The following SEMA6D variants were observed in gnomAD, a reference collection of about 807,000 sequenced individuals.
SEMA6D encodes semaphorin-6D.
SEMA6D carries 35 observed loss-of-function variants against 106.6 expected under a neutral mutation model. That is an observed-to-expected ratio of 0.33 (90% CI 0.25 to 0.44). The LOEUF is 0.44. Ranked by LOEUF, SEMA6D falls within the 20% of genes least tolerant of loss-of-function variation. The pLI is 1.00. For synonymous variants in SEMA6D, 499 were observed against 487.7 expected (o/e 1.02, Z -0.31); for missense variants, 1,185 against 1,345.9 (o/e 0.88, Z 1.87).
intron 1 of SEMA6D, among the ~76,000 whole-genome samples, chr15:47,388,771 G>C (rs1372350798): frequency 6.7e-6 from 1 of 149,928 alleles, no homozygotes; most frequent in African/African-American, 2.5e-5. Context: ...GAGATAGGAG[G>C]AGGCATAATG....
At chr15:47,564,738 T>C (rs954183357) in intron 3 of SEMA6D, among the ~76,000 whole-genome samples, 2 of 152,150 alleles carry the variant, frequency 1.3e-5, no homozygotes, top group African/African-American at 4.8e-5. Context: ...TGAGAACTTA[T>C]ATCCCTGTTT....
intron 1 of SEMA6D, among the ~76,000 whole-genome samples, chr15:47,240,384 C>T (rs62013990): frequency 6.6e-6 from 1 of 152,118 alleles, no homozygotes; most frequent in Non-Finnish European, 1.5e-5. Flanking sequence ...AATGAAGGAA[C>T]TATAATGGAG....
At chr15:47,694,574 C>G (rs2078660400) in intron 4 of SEMA6D, among the ~76,000 whole-genome samples, 1 of 152,080 alleles carries the variant, frequency 6.6e-6, no homozygotes, top group Non-Finnish European at 1.5e-5. Flanking sequence ...AAACATATGC[C>G]TCCTGCTTGT....
intron 4 of SEMA6D, among the ~76,000 whole-genome samples, chr15:47,688,714 A>G (rs2078522431): frequency 6.6e-6 from 1 of 152,208 alleles, no homozygotes; most frequent in Non-Finnish European, 1.5e-5. Flanking sequence ...TTTTGAGTCT[A>G]CCGTTTCATA....
intron 1 of SEMA6D, among the ~76,000 whole-genome samples, chr15:47,309,156 C>T (rs1457623468): frequency 6.6e-6 from 1 of 152,168 alleles, no homozygotes; most frequent in Non-Finnish European, 1.5e-5. Flanking sequence ...AGTAGTCCCC[C>T]CCATCAGTGG....
intron 1 of SEMA6D, among the ~76,000 whole-genome samples, chr15:47,243,477 G>A (rs1156762253): frequency 2.0e-5 from 3 of 151,862 alleles, no homozygotes; most frequent in Non-Finnish European, 2.9e-5. Flanking sequence ...CCTTTGGGGA[G>A]TATTGATTTT....
chr15:47,515,266 C>G (rs892344007), intron 3 of SEMA6D, among the ~76,000 whole-genome samples: 1 of 152,172 alleles, frequency 6.6e-6, no homozygotes, highest in Non-Finnish European at 1.5e-5. Flanking sequence ...TGTTAACTAC[C>G]TCTTGCTCCA....
chr15:47,417,846 T>C (rs919952694), intron 2 of SEMA6D, among the ~76,000 whole-genome samples: 3 of 152,072 alleles, frequency 2.0e-5, no homozygotes, highest in African/African-American at 7.2e-5. Context: ...TGCAATTCAT[T>C]CATTGAACAA....
intron 1 of SEMA6D, among the ~76,000 whole-genome samples, chr15:47,207,139 G>A (rs1025248965): frequency 6.6e-6 from 1 of 152,114 alleles, no homozygotes; most frequent in Non-Finnish European, 1.5e-5. Context: ...AGGGTCCTAG[G>A]GAGCCAGCCT....
At chr15:47,539,231 C>G (rs1391019326) in intron 3 of SEMA6D, among the ~76,000 whole-genome samples, 1 of 152,174 alleles carries the variant, frequency 6.6e-6, no homozygotes, top group African/African-American at 2.4e-5. Flanking sequence ...ACTGAAATTT[C>G]TACTAACGTG....
Position 47,377,045 on chromosome 15 carries a change from C to T in SEMA6D, c.-238-35348C>T, listed in dbSNP as rs142921372. Among the ~76,000 whole-genome samples the T allele has an allele frequency of 3.2e-3, 489 of 152,206 alleles. 3 individuals are homozygous for T. The highest frequency in any genetic ancestry group is 0.011 in the African/African-American group (455 of 41,530). ...CCTTGACTTCTAAAGAAGCTGTATA[C>T]GATGAGTAATTGCATACCTGAAGAT... On this transcript the variant is annotated intron_variant, in intron 1 of 19. Coordinates refer to the SEMA6D transcript ENST00000558014.
intron 1 of SEMA6D, among the ~76,000 whole-genome samples, chr15:47,297,919 T>G (rs937387080): frequency 6.6e-6 from 1 of 152,050 alleles, no homozygotes; most frequent in South Asian, 2.1e-4. Flanking sequence ...GGACAGAAGG[T>G]AAATCATTGT....
intron 1 of SEMA6D, among the ~76,000 whole-genome samples, chr15:47,727,315 G>C (rs2079820170): frequency 6.6e-6 from 1 of 152,132 alleles, no homozygotes; most frequent in Admixed American, 6.5e-5. Flanking sequence ...GGTCTGTTTC[G>C]CTGCGTCTGG....
At chr15:47,501,801 A>C (rs1224722048) in intron 3 of SEMA6D, among the ~76,000 whole-genome samples, 2 of 152,216 alleles carry the variant, frequency 1.3e-5, no homozygotes, top group African/African-American at 4.8e-5. Flanking sequence ...CATAAACCCC[A>C]AAATAGCCAA....
intron 4 of SEMA6D, among the ~76,000 whole-genome samples, chr15:47,646,765 G>T (rs1026325643): frequency 1.6e-4 from 24 of 152,152 alleles, no homozygotes; most frequent in African/African-American, 5.6e-4. Context: ...CTGGATTTAT[G>T]TATTCACTAG....
chr15:47,263,035 T>G (rs1208416921), intron 1 of SEMA6D, among the ~76,000 whole-genome samples: 1 of 151,994 alleles, frequency 6.6e-6, no homozygotes, highest in East Asian at 1.9e-4. Flanking sequence ...TTACATCATA[T>G]ACAAAAATCA....
intron 3 of SEMA6D, among the ~76,000 whole-genome samples, chr15:47,490,802 C>A (rs1177196100): frequency 2.0e-5 from 3 of 152,156 alleles, no homozygotes; most frequent in Non-Finnish European, 2.9e-5. Flanking sequence ...TGAAAAAACT[C>A]CATAGCCATT....
intron 1 of SEMA6D, among the ~76,000 whole-genome samples, chr15:47,248,076 A>G (rs181676857): frequency 2.7e-4 from 41 of 152,344 alleles, no homozygotes; most frequent in African/African-American, 8.9e-4. Context: ...TTATAAATAC[A>G]TGGTAGTCAG....
intron 4 of SEMA6D, among the ~76,000 whole-genome samples, chr15:47,652,186 CTTCA>C (rs1168559658): frequency 1.3e-5 from 2 of 152,160 alleles, no homozygotes; most frequent in African/African-American, 4.8e-5. Flanking sequence ...CATGTAGAAG[CTTCA>C]TTCAAGTAAT....
Sources: gnomAD v4.1 joint callset for allele counts (sites outside exome capture counted in the v4.1 genomes callset) on GRCh38, gnomAD v4.1.1 for gene constraint, MANE v1.5 for transcripts, NCBI Gene and HGNC (gene_info 2026-07-23, HGNC 2026-07-21) for gene names.